The following SNX25 variants were observed in gnomAD, a reference collection of about 807,000 sequenced individuals.
SNX25 encodes sorting nexin 25.
SNX25 carries 62 observed loss-of-function variants against 113.7 expected under a neutral mutation model. The ratio of observed to expected loss-of-function variants is 0.55; its 90% confidence interval spans 0.44 to 0.67. The LOEUF (loss-of-function observed/expected upper bound fraction) is 0.67, where lower values mean the gene tolerates loss of function less well. Ranked by LOEUF, SNX25 falls within the 30% of genes least tolerant of loss-of-function variation. The pLI, the probability that SNX25 is intolerant of heterozygous loss-of-function variation, is 0.00. For missense variants in SNX25, 1,014 were observed against 1,161.0 expected, an observed-to-expected ratio of 0.87 and a Z score of 1.84; for synonymous variants, 421 against 436.2, an observed-to-expected ratio of 0.97 and a Z score of 0.43.
chr4:185,359,399 A>G (rs1011291399), intron 16 of SNX25, among the ~76,000 whole-genome samples: 2 of 152,024 alleles, frequency 1.3e-5, no homozygotes, highest in Non-Finnish European at 2.9e-5. Context: ...CCTAAGTATC[A>G]TAGGCTTTTG....
At chr4:185,240,648 G>A (rs979658534) in intron 1 of SNX25, among the ~76,000 whole-genome samples, 1 of 150,286 alleles carries the variant, frequency 6.7e-6, no homozygotes, top group Non-Finnish European at 1.5e-5. Context: ...CTGGGCGGGG[G>A]GCTAACCCCC....
intron 9 of SNX25, among the ~76,000 whole-genome samples, chr4:185,329,610 C>A (rs535591601): frequency 3.9e-5 from 6 of 151,990 alleles, no homozygotes; most frequent in African/African-American, 1.4e-4. Context: ...GGATTAGTGT[C>A]CGATGTTGGA....
chr4:185,217,611 C>T (rs528435628), intron 1 of SNX25, among the ~76,000 whole-genome samples: 6 of 152,266 alleles, frequency 3.9e-5, no homozygotes, highest in East Asian at 3.9e-4. Flanking sequence ...TTGAAGCATA[C>T]GATGTCACAT....
intron 6 of SNX25, among the ~76,000 whole-genome samples, chr4:185,293,205 G>A (rs1752420801): frequency 6.6e-6 from 1 of 152,128 alleles, no homozygotes; most frequent in South Asian, 2.1e-4. Context: ...TGTTGGAAAT[G>A]GAAAATAGAA....
intron 1 of SNX25, among the ~76,000 whole-genome samples, chr4:185,211,308 T>C (rs988828471): frequency 6.6e-6 from 1 of 152,210 alleles, no homozygotes; most frequent in Non-Finnish European, 1.5e-5. Flanking sequence ...TTTCGCTCAG[T>C]AGGCTGATAA....
At chr4:185,374,464 T>G (rs1384476924), downstream of SNX25, 1 of 1,604,394 alleles carries the variant, frequency 6.2e-7, no homozygotes. Context: ...CCTTTCTCCT[T>G]CGACAAAAGA....
At chr4:185,268,896 G>A (rs912565238) in intron 5 of SNX25, among the ~76,000 whole-genome samples, 11 of 152,116 alleles carry the variant, frequency 7.2e-5, no homozygotes, top group African/African-American at 2.4e-4. Context: ...ATATAATGAT[G>A]AGTTCAATGT....
Position 185,210,712 on chromosome 4 carries a change from C to T in SNX25, c.429+457C>T, listed in dbSNP as rs1159575541. 6.6e-6 allele frequency among the ~76,000 whole-genome samples: 1 copy of T among 151,914 alleles called. No homozygotes were observed. Among genetic ancestry groups the T allele is most frequent in the East Asian group, 1.9e-4 (1 of 5,168 alleles). On this transcript the variant is annotated intron_variant, in intron 1 of 18. Coordinates refer to ENST00000652585, the MANE Select transcript of SNX25 (RefSeq NM_001378034.2). The surrounding 1 kb of genome is among the most constrained non-coding windows in gnomAD (Gnocchi z 4.4). Reference sequence around the variant, plus strand: ...GCCGATGAGGAAACTTGCTTCGGTCCCTGGCCCAGCGCCTCACCCCCAAGC... The same window carrying T: ...GCCGATGAGGAAACTTGCTTCGGTCTCTGGCCCAGCGCCTCACCCCCAAGC...
chr4:185,372,774 G>A, downstream of SNX25: 1 of 1,232,716 alleles, frequency 8.1e-7, no homozygotes, highest in Non-Finnish European at 1.1e-6. Context: ...CTGGAACTGT[G>A]AGAAATAAAT....
chr4:185,375,243 T>A, the SNX25 span, among the ~76,000 whole-genome samples: 6 of 149,812 alleles, frequency 4.0e-5, no homozygotes, highest in Non-Finnish European at 7.4e-5. Flanking sequence ...GCCTGGCTAA[T>A]TTTTGTATTT....
intron 9 of SNX25, among the ~76,000 whole-genome samples, chr4:185,327,605 TC>T (rs2095165571): frequency 6.6e-6 from 1 of 152,200 alleles, no homozygotes; most frequent in South Asian, 2.1e-4. Flanking sequence ...ATTTCACATG[TC>T]CCCAGGCCTT....
At position 185,313,654 on chromosome 4, in the gene SNX25, T is replaced by C. The variant is rs545361417; in HGVS notation, c.1344+2838T>C. ...GGGATACATTATGATATGTATATTG[T>C]GGGATATATTGTGCAGTTAAAGCAC... On this transcript the variant is annotated intron_variant, in intron 7 of 18. Transcript: ENST00000652585. 3.3e-5 allele frequency among the ~76,000 whole-genome samples: 5 copies of C among 152,324 alleles called. No individual in the cohort carries two copies. In the South Asian group the frequency reaches 8.3e-4, roughly 25 times the overall value.
At chr4:185,308,605 A>G (rs1026948431) in intron 6 of SNX25, among the ~76,000 whole-genome samples, 2 of 152,184 alleles carry the variant, frequency 1.3e-5, no homozygotes, top group Non-Finnish European at 2.9e-5. Context: ...GAGTTCATTG[A>G]TCCATTCAAC....
intron 1 of SNX25, among the ~76,000 whole-genome samples, chr4:185,219,583 A>T (rs1339675080): frequency 1.3e-5 from 2 of 152,102 alleles, no homozygotes; most frequent in East Asian, 3.9e-4. Flanking sequence ...AAGAAAAAAG[A>T]AAAAATGTTT....
rs564215183 is a variant in SNX25 at position 185,334,365 on chromosome 4, C to T, written c.1914+1606C>T. On this transcript the variant is annotated intron_variant, in intron 10 of 18. Transcript: ENST00000652585. The surrounding 1 kb of genome is among the most constrained non-coding windows in gnomAD (Gnocchi z 4.2). Reference sequence around the variant, plus strand: ...AATCAATCAATAAAAAATAAGAGAGCGTTAATGGTATTCTGAAAAGGAAAC... The same window carrying T: ...AATCAATCAATAAAAAATAAGAGAGTGTTAATGGTATTCTGAAAAGGAAAC... 6.6e-5 allele frequency among the ~76,000 whole-genome samples: 10 copies of T among 152,188 alleles called. No individual in the cohort carries two copies. Among genetic ancestry groups the T allele is most frequent in the African/African-American group, 9.6e-5 (4 of 41,524 alleles).
At chr4:185,217,115 A>G (rs1738973598) in intron 1 of SNX25, among the ~76,000 whole-genome samples, 1 of 151,866 alleles carries the variant, frequency 6.6e-6, no homozygotes, top group Admixed American at 6.6e-5. Flanking sequence ...TTGAATGGAT[A>G]TGTGATTGGG....
intron 3 of SNX25, among the ~76,000 whole-genome samples, 185 bp from the exon 4 acceptor site, chr4:185,264,253 A>G (rs544328717): frequency 1.2e-4 from 19 of 152,356 alleles, no homozygotes; most frequent in African/African-American, 4.6e-4. Flanking sequence ...AAAAAAGGCC[A>G]TGCATTTGCA....
intron 7 of SNX25, among the ~76,000 whole-genome samples, chr4:185,312,525 CTTT>C (rs35806929): frequency 5.7e-5 from 8 of 139,910 alleles, no homozygotes; most frequent in Admixed American, 7.2e-5. Context: ...TTGATTTGTT[CTTT>C]TTTTTTTTTT....
At chr4:185,205,494 C>G (rs961016345), upstream of SNX25, among the ~76,000 whole-genome samples, 29 of 151,726 alleles carry the variant, frequency 1.9e-4, no homozygotes, top group African/African-American at 7.0e-4. Flanking sequence ...TTTTAAAGTG[C>G]TTAATAAAAC....
Sources: allele counts gnomAD v4.1 joint callset (sites outside exome capture counted in the v4.1 genomes callset), GRCh38; gene constraint gnomAD v4.1.1; non-coding constraint Gnocchi (gnomAD v3.1); transcripts MANE v1.5; gene names NCBI Gene and HGNC (gene_info 2026-07-23, HGNC 2026-07-21).